The following BICD1 variants were observed in gnomAD, a reference collection of about 807,000 sequenced individuals.
The protein encoded by BICD1 is protein bicaudal D homolog 1.
Under a neutral mutation model 92.5 loss-of-function variants are expected in BICD1, and 35 were observed. The observed-to-expected ratio is 0.38, with a 90% CI of 0.29 to 0.50. BICD1 has a LOEUF of 0.50. Among genes scored for constraint, BICD1 ranks in the 20% least tolerant of loss-of-function variants. BICD1 has a pLI of 0.93. For missense variants in BICD1, 950 were observed against 1,189.8 expected, an observed-to-expected ratio of 0.80 and a Z score of 2.97; for synonymous variants, 429 against 465.1, an observed-to-expected ratio of 0.92 and a Z score of 1.00.
intron 1 of BICD1, among the ~76,000 whole-genome samples, chr12:32,208,461 A>G (rs1217567457): frequency 1.3e-5 from 2 of 152,236 alleles, no homozygotes; most frequent in African/African-American, 4.8e-5. Context: ...AATGTCACAC[A>G]GTAAGTGGCA....
At chr12:32,181,140 C>T (rs920592312) in intron 1 of BICD1, among the ~76,000 whole-genome samples, 6 of 151,790 alleles carry the variant, frequency 4.0e-5, no homozygotes, top group African/African-American at 1.5e-4. Context: ...ACACTTTTGG[C>T]CGGGCAGAGT....
In BICD1 at chr12:32,379,229, G is replaced by A. The variant is rs1014993449; in HGVS notation, c.*1602G>A. On this transcript the variant is annotated 3_prime_UTR_variant, in exon 10 of 10. Coordinates refer to ENST00000652176, the MANE Select transcript of BICD1 (RefSeq NM_001714.4). ...CACTCAGCTTATTGAGCGGACATGG[G>A]TGGCACAGAAATGGAGTGGTCCATC... 1 of 152,246 alleles carries A rather than the reference G, an allele frequency of 6.6e-6. No homozygotes were observed. The highest frequency in any genetic ancestry group is 2.4e-5 in the African/African-American group (1 of 41,456). 9.4% of individuals were successfully genotyped at this position (152,246 alleles called of 1,614,324 possible).
At chr12:32,148,207 C>T (rs10844137) in intron 1 of BICD1, among the ~76,000 whole-genome samples, 129,013 of 150,296 alleles carry the variant, frequency 0.86, 55,579 homozygotes, top group African/African-American at 0.91. Flanking sequence ...CAGGGGTGGG[C>T]ACCCTGCCTG....
At chr12:32,329,082 A>G (rs913034647) in intron 5 of BICD1, among the ~76,000 whole-genome samples, 5 of 151,580 alleles carry the variant, frequency 3.3e-5, no homozygotes, top group Admixed American at 2.6e-4. Context: ...TTCTAGGAGT[A>G]TAGCAAAATT....
intron 5 of BICD1, chr12:32,332,988 G>A: frequency 3.0e-6 from 3 of 985,348 alleles, no homozygotes; most frequent in Non-Finnish European, 3.6e-6. Flanking sequence ...ACAGTCAATG[G>A]ACAAACAAAT....
intron 1 of BICD1, among the ~76,000 whole-genome samples, chr12:32,132,364 C>A (rs1173676158): frequency 1.3e-5 from 2 of 149,152 alleles, no homozygotes; most frequent in Non-Finnish European, 3.0e-5. Flanking sequence ...TGCAGTGAAC[C>A]GAGATTGTGC....
At chr12:32,292,422 T>C (rs1401836849) in intron 2 of BICD1, among the ~76,000 whole-genome samples, 1 of 152,224 alleles carries the variant, frequency 6.6e-6, no homozygotes, top group Non-Finnish European at 1.5e-5. Context: ...ATGATCTCAT[T>C]TTAATTTTTG....
At position 32,311,840 on chromosome 12, in the gene BICD1, C is replaced by G. The variant is rs1002791619; in HGVS notation, c.1005+5718C>G. Among the ~76,000 whole-genome samples, 6 of 152,290 alleles carry G rather than the reference C, an allele frequency of 3.9e-5. No individual in the cohort carries two copies. In the East Asian group the frequency reaches 9.7e-4, roughly 24 times the overall value. ...AAACAAAGCGGGGAAAGGGGATTCT[C>G]TACAGAATGTGGATTTTTCCCACAA... On this transcript the variant is annotated intron_variant, in intron 4 of 9. Transcript: ENST00000652176.
intron 1 of BICD1, 105 bp downstream of exon 1, chr12:32,107,649 T>A (rs1941535432): frequency 1.6e-6 from 2 of 1,246,736 alleles, no homozygotes; most frequent in South Asian, 1.3e-5. Context: ...GAAAGGACTG[T>A]TTTTTCTTCT....
chr12:32,242,565 T>G (rs1946267674), intron 2 of BICD1, among the ~76,000 whole-genome samples: 4 of 152,134 alleles, frequency 2.6e-5, no homozygotes, highest in Admixed American at 2.6e-4. Flanking sequence ...AAAATTGTAT[T>G]AAGTACAATT....
chr12:32,252,436 G>A (rs184088429), intron 2 of BICD1, among the ~76,000 whole-genome samples: 44 of 152,078 alleles, frequency 2.9e-4, no homozygotes, highest in Admixed American at 2.9e-3. Flanking sequence ...GAGCAGGTGG[G>A]TGGCATGGGC....
Position 32,380,627 on chromosome 12 carries a change from T to A in BICD1, c.*3000T>A, listed in dbSNP as rs1167036258. ...AATTGTCTTTGGCCTGAGTGCTGAG[T>A]GGCATAAATAAAGGAGCTTGGCTTA... On this transcript the variant is annotated 3_prime_UTR_variant, in exon 10 of 10. Transcript: ENST00000652176. 6.6e-6 allele frequency: 1 copy of A among 152,076 alleles called. No homozygotes were observed. Among genetic ancestry groups the A allele is most frequent in the Non-Finnish European group, 1.5e-5 (1 of 67,964 alleles). The allele number at this position is 152,076 out of a possible 1,614,324, so 9.4% of individuals were successfully genotyped here.
chr12:32,327,364 A>T, intron 4 of BICD1, 97 bp from the exon 5 acceptor site: 1 of 1,378,956 alleles, frequency 7.3e-7, no homozygotes, highest in Non-Finnish European at 9.8e-7. Context: ...GCTCTGCTGC[A>T]GTGATTTTAA....
In BICD1 at chr12:32,377,850, A is replaced by G; in HGVS notation, c.*223A>G. 2 of 468,156 alleles carry G rather than the reference A, an allele frequency of 4.3e-6. No homozygotes were observed. 29.0% of individuals were successfully genotyped at this position (468,156 alleles called of 1,614,324 possible). A position where few individuals can be genotyped will look rare whatever the true frequency, so the allele number is the denominator to read the frequency against. Reference sequence around the variant, plus strand: ...TCTGAGTCACAGATAAACTTCTGCCATCAAATGGCTACAGTTCATTTAAAT... The same window carrying G: ...TCTGAGTCACAGATAAACTTCTGCCGTCAAATGGCTACAGTTCATTTAAAT... On this transcript the variant is annotated 3_prime_UTR_variant, in exon 10 of 10. Transcript: ENST00000652176.
At chr12:32,345,925 G>T (rs1938546084) in intron 8 of BICD1, among the ~76,000 whole-genome samples, 1 of 152,208 alleles carries the variant, frequency 6.6e-6, no homozygotes, top group African/African-American at 2.4e-5. Flanking sequence ...CAAAATGAAG[G>T]ATCACTTGAG....
At chr12:32,149,762 C>G (rs905482870) in intron 1 of BICD1, among the ~76,000 whole-genome samples, 13 of 152,152 alleles carry the variant, frequency 8.5e-5, no homozygotes, top group Admixed American at 8.5e-4. Flanking sequence ...AGCTTGCTGT[C>G]TGCTTCACAG....
chr12:32,255,463 C>T (rs575606936), intron 2 of BICD1, among the ~76,000 whole-genome samples: 5 of 152,336 alleles, frequency 3.3e-5, no homozygotes, highest in African/African-American at 1.2e-4. Flanking sequence ...TAGAGGCATA[C>T]TGCTAATGTG....
In BICD1 at chr12:32,327,540, C is replaced by T. The variant is rs144146678; in HGVS notation, c.1085C>T (p.Thr362Met). The change falls in exon 5 of 10, where the codon ACG becomes ATG. Residue 362 changes from threonine (T) to methionine (M), a missense_variant. Coordinates refer to ENST00000652176, the MANE Select transcript of BICD1 (RefSeq NM_001714.4). ...TQLEHTKGALTEQHERVHRLT... is the reference protein window; with the variant it reads ...TQLEHTKGALMEQHERVHRLT... ...CTGGAACACACCAAGGGGGCACTGACGGAGCAGCATGAGCGGGTGCACCGG... is the reference window on the plus strand; with the variant it reads ...CTGGAACACACCAAGGGGGCACTGATGGAGCAGCATGAGCGGGTGCACCGG... 778 of 1,614,082 alleles carry T rather than the reference C, an allele frequency of 4.8e-4. No individual in the cohort carries two copies. The highest frequency in any genetic ancestry group is 1.1e-3 in the Admixed American group (64 of 60,010).
rs139907330 is a variant in BICD1 at position 32,130,365 on chromosome 12, G to T, written c.213+22821G>T. 2.0e-5 allele frequency among the ~76,000 whole-genome samples: 3 copies of T among 152,062 alleles called. No homozygotes were observed. In the South Asian group the frequency reaches 6.2e-4, roughly 32 times the overall value. On this transcript the variant is annotated intron_variant, in intron 1 of 9. Transcript: ENST00000652176. ...ACTACAGGCGCCTGCCACCGCGCTC[G>T]GCTAACTTTTTGTGTTTTTAGTAGA...
Sources: allele counts gnomAD v4.1 joint callset (sites outside exome capture counted in the v4.1 genomes callset), GRCh38; gene constraint gnomAD v4.1.1; transcripts MANE v1.5; gene names NCBI Gene and HGNC (gene_info 2026-07-23, HGNC 2026-07-21).